PCNX1: variants seen among roughly 807,000 people sequenced by gnomAD.
PCNX1 encodes the protein pecanex-like protein 1.
A neutral mutation model predicts 242.2 loss-of-function variants in PCNX1; 78 were observed. The observed-to-expected ratio is 0.32, with a 90% CI of 0.27 to 0.39. The LOEUF (loss-of-function observed/expected upper bound fraction) is 0.39. Among genes scored for constraint, PCNX1 ranks in the 10% least tolerant of loss-of-function variants. PCNX1 has a pLI of 1.00. For missense variants in PCNX1, 2,581 were observed against 2,856.5 expected, an observed-to-expected ratio of 0.90 and a Z score of 2.20; for synonymous variants, 1,024 against 1,032.9, an observed-to-expected ratio of 0.99 and a Z score of 0.17.
In PCNX1 at chr14:71,011,877, AG is replaced by A. The variant is rs2059830306; in HGVS notation, c.2778+329del. On this transcript the variant is annotated intron_variant, in intron 10 of 35. Coordinates refer to ENST00000304743, the MANE Select transcript of PCNX1 (RefSeq NM_014982.3). ...ACTATACCCAGATATGTGTTTGAAA[AG>A]TAAAACCCTCCCTACTTTTTGGCTA... 1.4e-5 allele frequency: 3 copies of A among 216,896 alleles called. No homozygotes were observed. The South Asian group carries it at 2.6e-4, about 19-fold the overall frequency. 13.4% of individuals were successfully genotyped at this position (216,896 alleles called of 1,614,324 possible).
Position 71,033,479 on chromosome 14 carries a change from T to C in PCNX1, c.3609T>C (p.Gly1203=), listed in dbSNP as rs369193606. Residue 1203 remains glycine (G), a synonymous_variant, in exon 17 of 36, where the codon GGT becomes GGC. Coordinates refer to ENST00000304743, the MANE Select transcript of PCNX1 (RefSeq NM_014982.3). ...HIPVLFSIFC[G]LLVAVSYHLS... ...CAGTACTTTTCTCCATTTTTTGTGG[T>C]TTATTAGTGGCAGTGTCTTACCATC... 2 of 1,611,104 alleles carry C rather than the reference T, an allele frequency of 1.2e-6. No individual in the cohort carries two copies. The highest frequency in any genetic ancestry group is 1.1e-5 in the South Asian group (1 of 90,968).
In PCNX1 at chr14:70,978,265, T is replaced by C. The variant is rs777731016; in HGVS notation, c.1928T>C (p.Leu643Pro). ...CQSPEGRYSA[L>P]KTKHTHKERG... ...TCTCCTGAGGGCAGATACAGTGCTCTAAAGACCAAACACACTCATAAAGAA... is the reference window on the plus strand; with the variant it reads ...TCTCCTGAGGGCAGATACAGTGCTCCAAAGACCAAACACACTCATAAAGAA... Residue 643 changes from leucine to proline, a missense_variant, in exon 6 of 36, where the codon CTA becomes CCA. By Grantham distance (98) the Leu-to-Pro change is moderately conservative. Coordinates refer to ENST00000304743, the MANE Select transcript of PCNX1 (RefSeq NM_014982.3). 14 of 1,613,980 alleles carry C rather than the reference T, an allele frequency of 8.7e-6. No individual in the cohort carries two copies. The African/African-American group carries it at 1.2e-4, about 14-fold the overall frequency.
chr14:71,055,601 G>A (rs1289638596), intron 25 of PCNX1, 39 bp downstream of exon 25: 7 of 1,277,376 alleles, frequency 5.5e-6, no homozygotes, highest in Admixed American at 3.5e-5. Flanking sequence ...CAAGACTAAG[G>A]ATTTGTTTTA....
intron 8 of PCNX1, among the ~76,000 whole-genome samples, chr14:70,997,462 TAA>T (rs948308426): frequency 6.6e-6 from 1 of 152,198 alleles, no homozygotes; most frequent in African/African-American, 2.4e-5. Flanking sequence ...GCTTTAATGA[TAA>T]AGTCTCATTC....
intron 30 of PCNX1, among the ~76,000 whole-genome samples, chr14:71,101,620 C>G (rs8007428): frequency 1.6e-4 from 24 of 151,954 alleles, no homozygotes; most frequent in African/African-American, 5.8e-4. Context: ...ATATAGAGAC[C>G]TTTTATGTAG....
intron 2 of PCNX1, among the ~76,000 whole-genome samples, chr14:70,952,036 G>A (rs2057802887): frequency 6.6e-6 from 1 of 152,138 alleles, no homozygotes; most frequent in African/African-American, 2.4e-5. Flanking sequence ...TTAATTGTAA[G>A]ACATTGGAGA....
intron 11 of PCNX1, 76 bp from the exon 12 acceptor site, chr14:71,018,933 C>A: frequency 8.1e-7 from 1 of 1,228,868 alleles, no homozygotes; most frequent in Non-Finnish European, 1.1e-6. Flanking sequence ...ATATTTATGT[C>A]TTCCCTTCCC....
chr14:70,923,107 C>T (rs72724318), intron 1 of PCNX1, among the ~76,000 whole-genome samples: 6 of 151,638 alleles, frequency 4.0e-5, no homozygotes, highest in Non-Finnish European at 7.4e-5. Context: ...GACACACACA[C>T]GTCTTTTTTC....
intron 32 of PCNX1, among the ~76,000 whole-genome samples, chr14:71,104,298 G>A (rs1437890203): frequency 1.3e-5 from 2 of 152,048 alleles, no homozygotes; most frequent in Middle Eastern, 3.2e-3. Context: ...TATAGCTTAA[G>A]AAAACCAAAT....
chr14:70,962,175 T>G, intron 2 of PCNX1, 51 bp from the exon 3 acceptor site: 6 of 1,080,502 alleles, frequency 5.6e-6, no homozygotes, highest in Non-Finnish European at 8.6e-6. Context: ...AGGAAAAGCA[T>G]TGGAGTCAGA....
At chr14:71,021,984 CAA>C (rs1193211944) in intron 12 of PCNX1, among the ~76,000 whole-genome samples, 1 of 152,126 alleles carries the variant, frequency 6.6e-6, no homozygotes, top group African/African-American at 2.4e-5. Flanking sequence ...ATTTATATCT[CAA>C]AGTCTTCACC....
intron 10 of PCNX1, 183 bp from the exon 11 acceptor site, chr14:71,012,802 A>G: frequency 1.8e-6 from 1 of 555,980 alleles, no homozygotes; most frequent in Non-Finnish European, 3.1e-6. Context: ...ACTGTACTTC[A>G]GACAAGACTC....
intron 6 of PCNX1, among the ~76,000 whole-genome samples, chr14:70,982,759 A>G (rs2058876004): frequency 6.6e-6 from 1 of 152,222 alleles, no homozygotes; most frequent in Non-Finnish European, 1.5e-5. Flanking sequence ...TCAAGTAGGA[A>G]CAAACATTAC....
chr14:70,985,475 A>G (rs1281448924), intron 6 of PCNX1, among the ~76,000 whole-genome samples: 2 of 152,288 alleles, frequency 1.3e-5, no homozygotes, highest in East Asian at 1.9e-4. Context: ...CGGCCTCCCA[A>G]AGTGCTGGGA....
intron 7 of PCNX1, among the ~76,000 whole-genome samples, chr14:70,992,561 A>C (rs1443996840): frequency 1.9e-5 from 2 of 103,148 alleles, no homozygotes; most frequent in Non-Finnish European, 3.7e-5. Context: ...CTAGCAGTAT[A>C]ACAGAATGTG....
At chr14:70,908,662 G>C (rs1288244960) in intron 1 of PCNX1, among the ~76,000 whole-genome samples, 1 of 152,250 alleles carries the variant, frequency 6.6e-6, no homozygotes, top group Non-Finnish European at 1.5e-5. Context: ...GTTCTTCTCT[G>C]TTCGGCCCCG....
chr14:71,115,315 T>C lies in PCNX1; in HGVS notation c.*5380T>C, dbSNP rs1322563511. 2 of 152,752 alleles carry C rather than the reference T, an allele frequency of 1.3e-5. No individual in the cohort carries two copies. The highest frequency in any genetic ancestry group is 6.5e-5 in the Admixed American group (1 of 15,288). The allele number at this position is 152,752 out of a possible 1,614,324, so 9.5% of individuals were successfully genotyped here. The stretch of plus-strand genomic sequence containing the variant: ...AAAAGCTGAGTTCTTTTGGCAAATA[T>C]ATTGCATCAAAAATACAGTATTGAC... On this transcript the variant is annotated 3_prime_UTR_variant, in exon 36 of 36. Transcript: ENST00000304743.
chr14:70,925,257 G>C (rs1020020609), intron 1 of PCNX1, among the ~76,000 whole-genome samples: 2 of 152,192 alleles, frequency 1.3e-5, no homozygotes, highest in Non-Finnish European at 2.9e-5. Context: ...CCAAAGTGCT[G>C]GGATTACAAG....
chr14:70,912,355 A>T (rs866863077), intron 1 of PCNX1, among the ~76,000 whole-genome samples: 1 of 152,188 alleles, frequency 6.6e-6, no homozygotes, highest in African/African-American at 2.4e-5. Flanking sequence ...GCCCTTTCTT[A>T]TTCGGTAGAT....
Sources: gnomAD v4.1 joint callset for allele counts (sites outside exome capture counted in the v4.1 genomes callset) on GRCh38, gnomAD v4.1.1 for gene constraint, MANE v1.5 for transcripts, NCBI Gene and HGNC (gene_info 2026-07-23, HGNC 2026-07-21) for gene names.